Variants in CHD6 observed in about 807,000 individuals in gnomAD.
CHD6 encodes the protein ATP-dependent chromatin remodeler CHD6.
Under a neutral mutation model 276.9 loss-of-function variants are expected in CHD6, and 50 were observed. The ratio of observed to expected loss-of-function variants is 0.18; its 90% confidence interval spans 0.14 to 0.23. CHD6 has a LOEUF of 0.23. CHD6 is among the 10% of genes least tolerant of loss of function. CHD6 has a pLI of 1.00. For missense variants in CHD6, 2,564 were observed against 3,365.8 expected, an observed-to-expected ratio of 0.76 and a Z score of 5.89; for synonymous variants, 1,173 against 1,229.3, an observed-to-expected ratio of 0.95 and a Z score of 0.96.
intron 23 of CHD6, among the ~76,000 whole-genome samples, chr20:41,450,089 A>C (rs1438757941): frequency 1.3e-5 from 2 of 152,216 alleles, no homozygotes; most frequent in Admixed American, 1.3e-4. Context: ...TGAGGTGATC[A>C]AGGGAAAGGA....
At chr20:41,570,360 T>C (rs1480345781) in intron 1 of CHD6, among the ~76,000 whole-genome samples, 1 of 152,108 alleles carries the variant, frequency 6.6e-6, no homozygotes, top group Non-Finnish European at 1.5e-5. Flanking sequence ...TATAAAATAA[T>C]AACACTCAGA....
chr20:41,417,452 A>T (rs2047037443), intron 31 of CHD6, 103 bp from the exon 32 acceptor site: 2 of 986,566 alleles, frequency 2.0e-6, no homozygotes, highest in South Asian at 3.6e-5. Context: ...TTTTTAAATT[A>T]GCTCATTCTG....
At chr20:41,407,208 C>T (rs1042894912) in intron 36 of CHD6, among the ~76,000 whole-genome samples, 8 of 152,198 alleles carry the variant, frequency 5.3e-5, no homozygotes, top group African/African-American at 1.9e-4. Flanking sequence ...TTTGGAATAC[C>T]TTCCCTTCCA....
Position 41,404,760 on chromosome 20 carries a change from T to C in CHD6, c.7981A>G (p.Lys2661Glu). ...ESQKRKKKKTKGDNPNSHPEP... is the reference protein window; with the variant it reads ...ESQKRKKKKTEGDNPNSHPEP... Reference sequence around the variant, plus strand: ...GGGTGGGAGTTGGGGTTGTCCCCCTTTGTCTTCTTCTTCTTCCTCTTCTGG... The same window carrying C: ...GGGTGGGAGTTGGGGTTGTCCCCCTCTGTCTTCTTCTTCTTCCTCTTCTGG... The change falls in exon 37 of 37, where the codon AAG (lysine) becomes GAG (glutamate). Residue 2661 changes from lysine to glutamate, a missense_variant. Transcript: ENST00000373233. The C allele has an allele frequency of 6.2e-7, 1 of 1,607,050 alleles. No individual in the cohort carries two copies. The highest frequency in any genetic ancestry group is 8.5e-7 in the Non-Finnish European group (1 of 1,176,268).
intron 3 of CHD6, among the ~76,000 whole-genome samples, chr20:41,531,376 GTCTGA>G (rs969912621): frequency 1.4e-4 from 21 of 152,098 alleles, no homozygotes; most frequent in Non-Finnish European, 1.9e-4. Context: ...ACTAGCTCAT[GTCTGA>G]TCCTCCTTCT....
intron 2 of CHD6, chr20:41,547,546 TTGA>T: frequency 2.1e-6 from 1 of 477,844 alleles, no homozygotes; most frequent in South Asian, 1.6e-5. Flanking sequence ...CCCAAAAAGG[TTGA>T]TGATGACATT....
intron 17 of CHD6, among the ~76,000 whole-genome samples, chr20:41,461,171 T>C (rs1313893441): frequency 6.6e-6 from 1 of 152,228 alleles, no homozygotes; most frequent in East Asian, 1.9e-4. Context: ...TAGAAAGTAA[T>C]TAACTTGCTT....
intron 4 of CHD6, 77 bp downstream of exon 4, chr20:41,514,728 G>A: frequency 6.6e-7 from 1 of 1,514,954 alleles, no homozygotes; most frequent in Non-Finnish European, 9.0e-7. Context: ...AAGGCATAGA[G>A]GAGCAACACG....
chr20:41,598,150 ATTACTATCT>A (rs1363982054), intron 1 of CHD6, among the ~76,000 whole-genome samples: 1 of 152,126 alleles, frequency 6.6e-6, no homozygotes, highest in African/African-American at 2.4e-5. Context: ...ACAAATTTCC[ATTACTATCT>A]CAATTTCCCA....
At position 41,416,800 on chromosome 20, in the gene CHD6, A is replaced by C; in HGVS notation, c.6280-6T>G. The C allele has an allele frequency of 6.5e-7, 1 of 1,537,338 alleles. No homozygotes were observed. Among genetic ancestry groups the C allele is most frequent in the East Asian group, 2.4e-5 (1 of 42,512 alleles). On this transcript the variant is annotated splice_polypyrimidine_tract_variant and splice_region_variant and intron_variant, in intron 32 of 36. Coordinates refer to ENST00000373233, the MANE Select transcript of CHD6 (RefSeq NM_032221.5). ...CGGTTAATTATCACGCGGTCCTAGA[A>C]AAAAGGATAAAGCTCTGATGAATAA...
chr20:41,592,143 C>T (rs1239525114), intron 1 of CHD6, among the ~76,000 whole-genome samples: 1 of 152,080 alleles, frequency 6.6e-6, no homozygotes, highest in Non-Finnish European at 1.5e-5. Flanking sequence ...CCCGTGAGTC[C>T]AATGGTCACA....
chr20:41,499,226 C>G, intron 6 of CHD6, 69 bp downstream of exon 6: 2 of 1,265,500 alleles, frequency 1.6e-6, no homozygotes, highest in Non-Finnish European at 2.2e-6. Flanking sequence ...GGTTCTCTAG[C>G]CAAAAATCTC....
intron 1 of CHD6, among the ~76,000 whole-genome samples, chr20:41,586,467 C>G (rs1027394631): frequency 4.6e-5 from 7 of 152,200 alleles, no homozygotes; most frequent in African/African-American, 1.7e-4. Context: ...CCCATGGCTT[C>G]TAACAGAGCT....
In CHD6 at chr20:41,454,926, G is replaced by A. The variant is rs551660431; in HGVS notation, c.3010-190C>T. On this transcript the variant is annotated intron_variant, in intron 19 of 36. Transcript: ENST00000373233. Reference sequence around the variant, plus strand: ...TTTTACCTTTTATTTTAAAAATTGGGTGAGGAAATCATAATTTCAACTGAA... The same window carrying A: ...TTTTACCTTTTATTTTAAAAATTGGATGAGGAAATCATAATTTCAACTGAA... Among the ~76,000 whole-genome samples the A allele has an allele frequency of 3.9e-5, 6 of 152,218 alleles. No homozygotes were observed. In the East Asian group the frequency reaches 1.2e-3, roughly 29 times the overall value.
chr20:41,497,188 T>C (rs2043708742), intron 8 of CHD6, 196 bp downstream of exon 8: 2 of 559,076 alleles, frequency 3.6e-6, no homozygotes, highest in African/African-American at 1.9e-5. Flanking sequence ...GTTTATAAGG[T>C]TTGATCCTTA....
intron 23 of CHD6, among the ~76,000 whole-genome samples, chr20:41,450,098 GATT>G (rs1014174111): frequency 6.6e-6 from 1 of 152,000 alleles, no homozygotes; most frequent in African/African-American, 2.4e-5. Context: ...CAAGGGAAAG[GATT>G]ATACTTTATC....
At chr20:41,584,289 C>T (rs779067616) in intron 1 of CHD6, among the ~76,000 whole-genome samples, 5 of 152,074 alleles carry the variant, frequency 3.3e-5, no homozygotes, top group South Asian at 2.1e-4. Context: ...AAAGATATAA[C>T]GATCCTTAAT....
intron 3 of CHD6, among the ~76,000 whole-genome samples, chr20:41,526,480 T>G (rs2044539157): frequency 6.6e-6 from 1 of 152,148 alleles, no homozygotes. Context: ...GGAGGAAAGG[T>G]AGTTGAGTTC....
chr20:41,494,005 A>G, intron 8 of CHD6, 61 bp from the exon 9 acceptor site: 2 of 1,212,344 alleles, frequency 1.6e-6, no homozygotes, highest in Non-Finnish European at 2.4e-6. Context: ...TCCAACACCT[A>G]GGGTGTTATC....
Sources: gnomAD v4.1 joint callset for allele counts (sites outside exome capture counted in the v4.1 genomes callset) on GRCh38, gnomAD v4.1.1 for gene constraint, MANE v1.5 for transcripts, NCBI Gene and HGNC (gene_info 2026-07-23, HGNC 2026-07-21) for gene names.